The following SOX6 variants were observed in gnomAD, a reference collection of about 807,000 sequenced individuals.
SOX6 encodes the protein SRY-box transcription factor 6, also known as transcription factor SOX-6.
In SOX6, 11 loss-of-function variants were observed where a neutral mutation model predicts 97.8. The ratio of observed to expected loss-of-function variants is 0.11; its 90% CI spans 0.07 to 0.19. The LOEUF is 0.19. Among genes scored for constraint, SOX6 ranks in the 10% least tolerant of loss-of-function variants. SOX6 has a pLI of 1.00. For missense variants in SOX6, 810 were observed against 1,039.5 expected, an observed-to-expected ratio of 0.78 and a Z score of 3.04; for synonymous variants, 360 against 371.4, an observed-to-expected ratio of 0.97 and a Z score of 0.35.
chr11:16,324,597 A>T (rs559400262), intron 2 of SOX6, among the ~76,000 whole-genome samples: 1 of 152,140 alleles, frequency 6.6e-6, no homozygotes, highest in Non-Finnish European at 1.5e-5. Flanking sequence ...TGGATACATA[A>T]TAGTTGTCCA....
intron 3 of SOX6, among the ~76,000 whole-genome samples, chr11:16,276,541 C>T (rs1565064449): frequency 6.6e-6 from 1 of 152,060 alleles, no homozygotes; most frequent in Non-Finnish European, 1.5e-5. Context: ...ACCTCTGTCC[C>T]CCAAATAAAA....
At chr11:15,982,874 A>G (rs1447033161) in intron 15 of SOX6, among the ~76,000 whole-genome samples, 1 of 152,010 alleles carries the variant, frequency 6.6e-6, no homozygotes, top group Admixed American at 6.6e-5. Context: ...TTACCAAATA[A>G]GTTTCAAATA....
At chr11:16,024,797 G>A (rs1048702449) in intron 12 of SOX6, among the ~76,000 whole-genome samples, 1 of 152,110 alleles carries the variant, frequency 6.6e-6, no homozygotes, top group Non-Finnish European at 1.5e-5. Flanking sequence ...AATGTCTGCA[G>A]AGCTTCTTGT....
At chr11:16,129,716 G>A (rs1443376146) in intron 6 of SOX6, among the ~76,000 whole-genome samples, 2 of 151,970 alleles carry the variant, frequency 1.3e-5, no homozygotes, top group Admixed American at 1.3e-4. Flanking sequence ...ATTTCAATAG[G>A]TGCAGAGTAA....
intron 1 of SOX6, among the ~76,000 whole-genome samples, chr11:16,467,716 C>G (rs1860068209): frequency 6.6e-6 from 1 of 152,148 alleles, no homozygotes; most frequent in African/African-American, 2.4e-5. Flanking sequence ...ATGAAATAAT[C>G]TGTACAACAA....
At chr11:16,037,901 C>T (rs1314969311) in intron 12 of SOX6, among the ~76,000 whole-genome samples, 1 of 152,198 alleles carries the variant, frequency 6.6e-6, no homozygotes, top group East Asian at 1.9e-4. Context: ...TTTCAGCCTG[C>T]TCTTCTACCA....
At chr11:16,193,633 G>A (rs1851691308) in intron 4 of SOX6, among the ~76,000 whole-genome samples, 1 of 152,176 alleles carries the variant, frequency 6.6e-6, no homozygotes, top group Admixed American at 6.5e-5. Context: ...CTGGAGTGGA[G>A]TTCTGATGAA....
chr11:16,116,496 A>C (rs931958341), intron 6 of SOX6, among the ~76,000 whole-genome samples: 1 of 152,218 alleles, frequency 6.6e-6, no homozygotes, highest in African/African-American at 2.4e-5. Flanking sequence ...AAGATAAGGA[A>C]TATGATTATT....
chr11:16,170,785 C>A (rs1308658596), intron 6 of SOX6, among the ~76,000 whole-genome samples: 5 of 152,012 alleles, frequency 3.3e-5, no homozygotes, highest in Non-Finnish European at 7.4e-5. Flanking sequence ...ACCCTTTGTG[C>A]ATTCTCATTT....
chr11:16,716,772 CATAAAT>C (rs1344742336), intron 2 of SOX6, among the ~76,000 whole-genome samples: 1 of 151,140 alleles, frequency 6.6e-6, no homozygotes, highest in African/African-American at 2.4e-5. Flanking sequence ...TAATGATTCT[CATAAAT>C]ATAACATTGT....
Position 16,489,128 on chromosome 11 carries a change from G to T in SOX6, n.610-12740C>A, listed in dbSNP as rs374850113. 1.2e-4 allele frequency among the ~76,000 whole-genome samples: 19 copies of T among 152,202 alleles called. No individual in the cohort carries two copies. In the South Asian group the frequency reaches 3.7e-3, roughly 30 times the overall value. On this transcript the variant is annotated intron_variant and non_coding_transcript_variant, in intron 4 of 5. Coordinates refer to the SOX6 transcript ENST00000524520. ...AAGCTGTTAACAAAGGCTGCCATTG[G>T]GCATGGGACAATAGGTAAACACTTT... is the stretch of plus-strand genomic sequence containing the variant.
At chr11:15,997,343 T>C (rs1854256026) in intron 13 of SOX6, among the ~76,000 whole-genome samples, 1 of 152,170 alleles carries the variant, frequency 6.6e-6, no homozygotes, top group Admixed American at 6.5e-5. Context: ...GGTATGAAAG[T>C]AGAGGAAGAA....
At chr11:16,250,916 GAATGATA>G (rs1427682917) in intron 3 of SOX6, among the ~76,000 whole-genome samples, 2 of 152,090 alleles carry the variant, frequency 1.3e-5, no homozygotes, top group Non-Finnish European at 2.9e-5. Flanking sequence ...ATCACATGTT[GAATGATA>G]AATCAAGTCT....
At chr11:16,214,345 G>A (rs1852308761) in intron 4 of SOX6, among the ~76,000 whole-genome samples, 1 of 152,150 alleles carries the variant, frequency 6.6e-6, no homozygotes. Context: ...TATTTGTAGT[G>A]ACCTATTTCT....
upstream of SOX6, among the ~76,000 whole-genome samples, chr11:16,477,648 C>T (rs1344851721): frequency 6.6e-6 from 1 of 152,108 alleles, no homozygotes; most frequent in Non-Finnish European, 1.5e-5. Context: ...TCCAGGAGTT[C>T]AAGACCAGCC....
At chr11:16,291,285 T>G (rs1324391533) in intron 3 of SOX6, among the ~76,000 whole-genome samples, 4 of 148,064 alleles carry the variant, frequency 2.7e-5, no homozygotes, top group Admixed American at 2.0e-4. Flanking sequence ...ATACGAGGTG[T>G]TGTGCTGTCT....
At chr11:16,601,949 C>A (rs1848275446) in intron 4 of SOX6, among the ~76,000 whole-genome samples, 1 of 152,012 alleles carries the variant, frequency 6.6e-6, no homozygotes, top group African/African-American at 2.4e-5. Flanking sequence ...TTGTTTTCTG[C>A]TACTACTGAA....
At chr11:16,069,803 C>A (rs913414689) in intron 9 of SOX6, among the ~76,000 whole-genome samples, 4 of 152,124 alleles carry the variant, frequency 2.6e-5, no homozygotes, top group African/African-American at 9.7e-5. Context: ...CCCATGAGAA[C>A]CAGGACCCAT....
intron 6 of SOX6, among the ~76,000 whole-genome samples, chr11:16,173,578 T>A (rs966423280): frequency 4.1e-5 from 6 of 147,600 alleles, no homozygotes; most frequent in African/African-American, 1.2e-4. Context: ...TTAGTTTTTT[T>A]GTTTTTTTTT....
Sources: gnomAD v4.1 joint callset for allele counts (sites outside exome capture counted in the v4.1 genomes callset) on GRCh38, gnomAD v4.1.1 for gene constraint, MANE v1.5 for transcripts, NCBI Gene and HGNC (gene_info 2026-07-23, HGNC 2026-07-21) for gene names.